The following HCN1 variants were observed in gnomAD, a reference collection of about 807,000 sequenced individuals.
The protein encoded by HCN1 is hyperpolarization activated cyclic nucleotide gated potassium channel 1.
HCN1 carries 13 observed loss-of-function variants against 78.9 expected under a neutral mutation model. The observed-to-expected ratio is 0.16, with a 90% CI of 0.11 to 0.26. The LOEUF (loss-of-function observed/expected upper bound fraction) is 0.26. Among genes scored for constraint, HCN1 ranks in the 10% least tolerant of loss-of-function variants. HCN1 has a pLI of 1.00. For missense variants in HCN1, 810 were observed against 1,154.3 expected (o/e 0.70, Z 4.32); for synonymous variants, 552 against 455.5 (o/e 1.21, Z -2.70).
chr5:45,493,016 G>C (rs921639297), intron 2 of HCN1, among the ~76,000 whole-genome samples: 2 of 151,956 alleles, frequency 1.3e-5, no homozygotes, highest in Non-Finnish European at 2.9e-5. Context: ...GTAAAATATA[G>C]AGAGAATCAT....
rs115783471 is a variant in HCN1, at chr5:45,302,425, C to T, written c.1618+1174G>A. On this transcript the variant is annotated intron_variant, in intron 6 of 7. Transcript: ENST00000303230. ...AAGTCTCTATTCTTTATAAATTACA[C>T]GGTCTCAGGTATTTACAGTAGTGTG... Among the ~76,000 whole-genome samples the T allele has an allele frequency of 5.8e-4, 88 of 152,052 alleles. 1 individual carries two copies. The highest frequency in any genetic ancestry group is 2.1e-3 in the African/African-American group (86 of 41,502).
chr5:45,328,645 T>G (rs1409052195), intron 5 of HCN1, among the ~76,000 whole-genome samples: 1 of 151,622 alleles, frequency 6.6e-6, no homozygotes, highest in Non-Finnish European at 1.5e-5. Flanking sequence ...CCAAAGGAGA[T>G]TTCATCCCAC....
At chr5:45,369,672 C>A (rs1554020801) in intron 4 of HCN1, among the ~76,000 whole-genome samples, 1 of 152,022 alleles carries the variant, frequency 6.6e-6, no homozygotes, top group Non-Finnish European at 1.5e-5. Context: ...TATAGAAAAT[C>A]CTGTAAAAAT....
chr5:45,404,496 TA>T lies in HCN1; in HGVS notation c.1012-7787del, dbSNP rs202245981. Reference sequence around the variant, plus strand: ...CACTTCACTTAGGCATCACTGAAAATAATTTTTTTTTTTTTGAGGAAAAGAT... The same window carrying T: ...CACTTCACTTAGGCATCACTGAAAATATTTTTTTTTTTTTGAGGAAAAGAT... On this transcript the variant is annotated intron_variant, in intron 3 of 7. Transcript: ENST00000303230. 8.1e-3 allele frequency among the ~76,000 whole-genome samples: 864 copies of T among 107,230 alleles called. 7 individuals are homozygous for T. Among genetic ancestry groups the T allele is most frequent in the African/African-American group, 0.035 (712 of 20,390 alleles). The allele number at this position is 107,230 out of a possible 152,430, so 70.3% of individuals were successfully genotyped here.
At chr5:45,606,890 T>A (rs1005499345) in intron 2 of HCN1, among the ~76,000 whole-genome samples, 10 of 152,008 alleles carry the variant, frequency 6.6e-5, no homozygotes, top group Non-Finnish European at 5.9e-5. Flanking sequence ...GAAACTTCTA[T>A]AATGTATTAA....
intron 4 of HCN1, among the ~76,000 whole-genome samples, chr5:45,386,477 C>A (rs532987316): frequency 2.3e-4 from 35 of 152,270 alleles, no homozygotes; most frequent in Non-Finnish European, 4.6e-4. Flanking sequence ...GAGCTCCCAG[C>A]CAACCTTTTC....
intron 2 of HCN1, among the ~76,000 whole-genome samples, chr5:45,552,223 AC>A (rs1488489773): frequency 6.6e-6 from 1 of 151,864 alleles, no homozygotes; most frequent in Admixed American, 6.6e-5. Context: ...ATTAAATCTG[AC>A]TTCTCCATTA....
At position 45,409,034 on chromosome 5, in the gene HCN1, A is replaced by G. The variant is rs186091448; in HGVS notation, c.1012-12324T>C. ...ATATGGAATTCTTTTACCATATATG[A>G]GAGTAAGGCATTAGATTTTATTTCT... On this transcript the variant is annotated intron_variant, in intron 3 of 7. Transcript: ENST00000303230. Among the ~76,000 whole-genome samples, 241 of 152,202 alleles carry G rather than the reference A, an allele frequency of 1.6e-3. 2 individuals are homozygous for G. The highest frequency in any genetic ancestry group is 6.8e-3 in the Middle Eastern group (2 of 294).
intron 3 of HCN1, among the ~76,000 whole-genome samples, chr5:45,406,800 T>C (rs541494059): frequency 7.9e-5 from 12 of 152,310 alleles, no homozygotes; most frequent in Middle Eastern, 3.4e-3. Context: ...AGAAAAATTA[T>C]CTAAGGTTTT....
At chr5:45,529,615 T>C (rs1742799879) in intron 2 of HCN1, among the ~76,000 whole-genome samples, 1 of 151,990 alleles carries the variant, frequency 6.6e-6, no homozygotes, top group Non-Finnish European at 1.5e-5. Context: ...CAAATCCAAA[T>C]GGTGTCTTTG....
chr5:45,376,896 T>A (rs1747692641), intron 4 of HCN1, among the ~76,000 whole-genome samples: 1 of 152,002 alleles, frequency 6.6e-6, no homozygotes, highest in Non-Finnish European at 1.5e-5. Flanking sequence ...TTTCAGGTAA[T>A]TCTAATGTTC....
chr5:45,683,134 TTA>T (rs907362254), intron 1 of HCN1, among the ~76,000 whole-genome samples: 3 of 80,804 alleles, frequency 3.7e-5, no homozygotes, highest in African/African-American at 1.4e-4. Context: ...ATTAATTTTT[TTA>T]TTTTTTTTTA....
intron 3 of HCN1, among the ~76,000 whole-genome samples, chr5:45,460,905 A>G (rs1300213347): frequency 6.6e-6 from 1 of 152,020 alleles, no homozygotes; most frequent in South Asian, 2.1e-4. Context: ...TCAATAGTAG[A>G]ACAGTTTGAG....
At chr5:45,278,354 A>G (rs1196779263) in intron 6 of HCN1, among the ~76,000 whole-genome samples, 1 of 152,170 alleles carries the variant, frequency 6.6e-6, no homozygotes, top group African/African-American at 2.4e-5. Flanking sequence ...AATTTGAAGT[A>G]TTCATAGAGG....
intron 1 of HCN1, among the ~76,000 whole-genome samples, chr5:45,671,152 C>G (rs994942644): frequency 1.3e-5 from 2 of 151,482 alleles, no homozygotes; most frequent in African/African-American, 4.8e-5. Context: ...AGCCCCATCA[C>G]CCTTGCCTAC....
chr5:45,390,622 C>T (rs974683005), intron 4 of HCN1, among the ~76,000 whole-genome samples: 1 of 152,114 alleles, frequency 6.6e-6, no homozygotes, highest in African/African-American at 2.4e-5. Flanking sequence ...CAGCATATAA[C>T]TTAGAGCATT....
chr5:45,617,140 CA>C (rs2111988328), intron 2 of HCN1, among the ~76,000 whole-genome samples: 1 of 152,134 alleles, frequency 6.6e-6, no homozygotes, highest in South Asian at 2.1e-4. Context: ...TAAGAGAACA[CA>C]AGCTATAAAG....
At chr5:45,664,365 C>T (rs1450125465) in intron 1 of HCN1, among the ~76,000 whole-genome samples, 3 of 141,420 alleles carry the variant, frequency 2.1e-5, no homozygotes, top group African/African-American at 8.0e-5. Context: ...CTAGATGACA[C>T]GTTAGTGGGT....
At chr5:45,369,717 A>C (rs1747313713) in intron 4 of HCN1, among the ~76,000 whole-genome samples, 1 of 152,142 alleles carries the variant, frequency 6.6e-6, no homozygotes, top group Admixed American at 6.6e-5. Context: ...TATATACCCC[A>C]AAACACTCCA....
Sources: gnomAD v4.1 joint callset for allele counts (sites outside exome capture counted in the v4.1 genomes callset) on GRCh38, gnomAD v4.1.1 for gene constraint, MANE v1.5 for transcripts, NCBI Gene and HGNC (gene_info 2026-07-23, HGNC 2026-07-21) for gene names.